TRIM9: variants seen among roughly 807,000 people sequenced by gnomAD.
TRIM9 encodes the protein tripartite motif containing 9, also known as E3 ubiquitin-protein ligase TRIM9.
In TRIM9, 26 loss-of-function variants were observed where a neutral mutation model predicts 78.3. That is an observed-to-expected ratio of 0.33 (90% CI 0.24 to 0.46). The LOEUF (loss-of-function observed/expected upper bound fraction) is 0.46. TRIM9 is among the 20% of genes least tolerant of loss of function. TRIM9 has a pLI of 1.00. For synonymous variants in TRIM9, 398 were observed against 416.5 expected (o/e 0.96, Z 0.54); for missense variants, 787 against 1,036.4 (o/e 0.76, Z 3.30).
chr14:51,017,032 T>C (rs547291690), intron 3 of TRIM9, among the ~76,000 whole-genome samples: 1 of 152,286 alleles, frequency 6.6e-6, no homozygotes, highest in East Asian at 1.9e-4. Context: ...ATTAACTGTG[T>C]GAATTAAAGG....
intron 3 of TRIM9, among the ~76,000 whole-genome samples, chr14:51,015,518 T>C (rs1413902147): frequency 5.4e-5 from 7 of 130,728 alleles, no homozygotes; most frequent in African/African-American, 1.8e-4. Flanking sequence ...TTTTTTTTTT[T>C]TTTTTTTTTT....
intron 1 of TRIM9, among the ~76,000 whole-genome samples, chr14:51,035,624 C>T (rs186738052): frequency 2.6e-5 from 4 of 152,236 alleles, no homozygotes; most frequent in South Asian, 2.1e-4. Flanking sequence ...CTATACCACC[C>T]GGAAGAACAT....
chr14:51,002,349 T>C (rs1346345642), intron 5 of TRIM9, among the ~76,000 whole-genome samples: 1 of 151,920 alleles, frequency 6.6e-6, no homozygotes, highest in African/African-American at 2.4e-5. Flanking sequence ...TTAGCCAAGA[T>C]GGTCTCGATC....
intron 1 of TRIM9, among the ~76,000 whole-genome samples, chr14:51,075,054 G>GT (rs2062639655): frequency 6.6e-6 from 1 of 152,226 alleles, no homozygotes; most frequent in East Asian, 1.9e-4. Context: ...AGAAACATCA[G>GT]TAAGTCTAGA....
Position 51,094,511 on chromosome 14 carries a change from G to A in TRIM9, c.429C>T (p.Arg143=), listed in dbSNP as rs1428729421. 3 of 1,613,586 alleles carry A rather than the reference G, an allele frequency of 1.9e-6. No homozygotes were observed. Among genetic ancestry groups the A allele is most frequent in the East Asian group, 2.2e-5 (1 of 44,878 alleles). ...CCAGTACGCGATTCTTGGGGAAGCCGCGGAGCCCCCGGTCATCCAGGATGA... is the reference window on the plus strand; with the variant it reads ...CCAGTACGCGATTCTTGGGGAAGCCACGGAGCCCCCGGTCATCCAGGATGA... ...RSLILDDRGL[R]GFPKNRVLEG... is the part of the protein sequence containing the mutation. The change falls in exon 1 of 13, where the codon CGC becomes CGT. Residue 143 remains arginine (R), a synonymous_variant. Coordinates refer to ENST00000684578, the MANE Select transcript of TRIM9 (RefSeq NM_001387360.1).
intron 1 of TRIM9, among the ~76,000 whole-genome samples, chr14:51,073,463 C>T (rs1272932763): frequency 1.3e-5 from 2 of 152,212 alleles, no homozygotes; most frequent in East Asian, 1.9e-4. Flanking sequence ...TACCATACAA[C>T]AGTCAGAATG....
chr14:51,070,490 C>G (rs548291405), intron 1 of TRIM9, among the ~76,000 whole-genome samples: 3 of 151,508 alleles, frequency 2.0e-5, no homozygotes, highest in African/African-American at 7.3e-5. Context: ...ATCTAAAATG[C>G]CTGGGACTGA....
chr14:50,996,895 G>A, intron 7 of TRIM9: 3 of 985,370 alleles, frequency 3.0e-6, no homozygotes, highest in Non-Finnish European at 3.6e-6. Flanking sequence ...TGTTTTCACG[G>A]CTAGGGGCCT....
At chr14:51,054,733 C>T (rs1190160971) in intron 1 of TRIM9, among the ~76,000 whole-genome samples, 2 of 152,088 alleles carry the variant, frequency 1.3e-5, no homozygotes, top group East Asian at 3.9e-4. Context: ...GCCACTACGC[C>T]TAGCTAATTT....
chr14:51,094,840 C>T lies in TRIM9; in HGVS notation c.100G>A (p.Ala34Thr). 2.0e-6 allele frequency: 3 copies of T among 1,532,270 alleles called. No homozygotes were observed. The highest frequency in any genetic ancestry group is 2.6e-5 in the South Asian group (2 of 76,568). The allele number at this position is 1,532,270 out of a possible 1,614,324, so 94.9% of individuals were successfully genotyped here. A position where few individuals can be genotyped will look rare whatever the true frequency, so the allele number is the denominator to read the frequency against. ...GGGGTCTGCACCAGGATGTTGCGGG[C>T]GCACGCCTGACACAAATTGTGAGAG... ...PCSHNLCQAC[A>T]RNILVQTPES... The change falls in exon 1 of 13, where the codon GCC becomes ACC. Residue 34 changes from alanine (A) to threonine (T), a missense_variant. Physicochemically the swap from Ala to Thr is moderately conservative, Grantham distance 58 (BLOSUM62 0). This residue lies in a region of TRIM9 where 352 missense variants were observed against 472.3 expected (regional missense o/e 0.75). Transcript: ENST00000684578.
intron 3 of TRIM9, among the ~76,000 whole-genome samples, chr14:51,011,451 A>T (rs759707052): frequency 2.4e-4 from 36 of 152,154 alleles, no homozygotes; most frequent in Non-Finnish European, 3.5e-4. Flanking sequence ...CTCAGTCTCC[A>T]AGTAGCTGGG....
At chr14:50,979,996 T>G (rs369619054) in intron 11 of TRIM9, among the ~76,000 whole-genome samples, 32 of 152,238 alleles carry the variant, frequency 2.1e-4, no homozygotes, top group African/African-American at 6.8e-4. Context: ...ATGGTGTGAA[T>G]TAAATATCAT....
chr14:51,012,718 T>G lies in TRIM9; in HGVS notation c.1042-2224A>C, dbSNP rs115475057. Reference sequence around the variant, plus strand: ...AATTTCTCCACATCCTCGCCCACACTTATTATTTTCTGATTTTTAAAAATA... The same window carrying G: ...AATTTCTCCACATCCTCGCCCACACGTATTATTTTCTGATTTTTAAAAATA... On this transcript the variant is annotated intron_variant, in intron 3 of 12. Coordinates refer to ENST00000684578, the MANE Select transcript of TRIM9 (RefSeq NM_001387360.1). 7.1e-3 allele frequency among the ~76,000 whole-genome samples: 1,084 copies of G among 152,308 alleles called. 17 individuals are homozygous for G. The highest frequency in any genetic ancestry group is 0.025 in the African/African-American group (1,023 of 41,550).
intron 6 of TRIM9, among the ~76,000 whole-genome samples, chr14:50,998,635 G>T (rs894038927): frequency 6.6e-6 from 1 of 152,198 alleles, no homozygotes; most frequent in African/African-American, 2.4e-5. Flanking sequence ...CATGAAAACA[G>T]GAAGGTGGTC....
At position 51,009,156 on chromosome 14, in the gene TRIM9, G is replaced by A; in HGVS notation, c.1230C>T (p.Thr410=). Residue 410 remains threonine (T), a synonymous_variant, in exon 5 of 13, where the codon ACC becomes ACT. Transcript: ENST00000684578. The part of the protein sequence containing the change: ...WGKGTLTPRM[T]TDFDLSLDNS... ...TGTCCAGACTCAAGTCAAAGTCCGT[G>A]GTCATCCTTGGAGTGAGTGTGCCTT... 6.2e-7 allele frequency: 1 copy of A among 1,614,046 alleles called. No individual in the cohort carries two copies. The highest frequency in any genetic ancestry group is 8.5e-7 in the Non-Finnish European group (1 of 1,179,940).
chr14:51,091,559 A>T (rs753230794), intron 1 of TRIM9, among the ~76,000 whole-genome samples: 7 of 152,202 alleles, frequency 4.6e-5, no homozygotes, highest in Non-Finnish European at 8.8e-5. Context: ...TATATGAGAA[A>T]ACTGGCTGCT....
intron 1 of TRIM9, among the ~76,000 whole-genome samples, chr14:51,052,958 A>G (rs1263982223): frequency 1.3e-5 from 2 of 152,086 alleles, no homozygotes; most frequent in Non-Finnish European, 2.9e-5. Flanking sequence ...GGAGTTTCAG[A>G]CCAGCCTGGG....
chr14:50,991,369 T>C (rs1213542948), intron 7 of TRIM9, among the ~76,000 whole-genome samples: 4 of 152,218 alleles, frequency 2.6e-5, no homozygotes, highest in Non-Finnish European at 5.9e-5. Context: ...CTCTCTTTTC[T>C]GGGCTCTGAA....
Position 50,981,813 on chromosome 14 carries a change from AGTT to A in TRIM9, c.2146_2148del (p.Asn716del). 2 of 1,614,130 alleles carry A rather than the reference AGTT, an allele frequency of 1.2e-6. No individual in the cohort carries two copies. The highest frequency in any genetic ancestry group is 1.1e-5 in the South Asian group (1 of 91,082). On this transcript the variant is annotated inframe_deletion, in exon 11 of 13. Coordinates refer to ENST00000684578, the MANE Select transcript of TRIM9 (RefSeq NM_001387360.1). ...GCTGCAGGGTACCTGTTGGTGTGCG[AGTT>A]GTTGTGCATGAACCAGCTCCGGTTA...
Sources: allele counts gnomAD v4.1 joint callset (sites outside exome capture counted in the v4.1 genomes callset), GRCh38; gene constraint gnomAD v4.1.1; regional missense constraint gnomAD v4.1.1; transcripts MANE v1.5; gene names NCBI Gene and HGNC (gene_info 2026-07-23, HGNC 2026-07-21).